The following SLC44A4 variants were observed in gnomAD, a reference collection of about 807,000 sequenced individuals.
SLC44A4 encodes the protein choline transporter-like protein 4.
In SLC44A4, 74 loss-of-function variants were observed where a neutral mutation model predicts 97.0. The ratio of observed to expected loss-of-function variants is 0.76; its 90% CI spans 0.63 to 0.93. SLC44A4 has a LOEUF of 0.93. SLC44A4 is among the 40% of genes least tolerant of loss of function. The pLI, the probability that SLC44A4 is intolerant of heterozygous loss-of-function variation, is 0.00. For synonymous variants in SLC44A4, 325 were observed against 363.8 expected (o/e 0.89, Z 1.21); for missense variants, 799 against 902.9 (o/e 0.88, Z 1.48).
At position 31,870,665 on chromosome 6, in the gene SLC44A4, C is replaced by G. The variant is rs1252588326; in HGVS notation, c.975G>C (p.Leu325=). 6.2e-7 allele frequency: 1 copy of G among 1,610,766 alleles called. No homozygotes were observed. The highest frequency in any genetic ancestry group is 1.7e-5 in the Admixed American group (1 of 59,748). Residue 325 remains leucine (L), a synonymous_variant, in exon 11 of 21, where the codon CTG becomes CTC. Transcript: ENST00000229729. The part of the protein sequence containing the change: ...VLAVLEAILL[L]MLIFLRQRIR... ...TCCGCTGCCGCAGGAAGATGAGCAT[C>G]AGCAGCAGGATGGCTTCAAGCACCG...
chr6:31,865,960 C>A lies in SLC44A4; in HGVS notation c.1400G>T (p.Gly467Val). ...GGCCCAGTAGAAGGAGGCAAAGGCT[C>A]CAGCGAGGACGCATTGGCCCAGGGC... ...VLALGQCVLA[G>V]AFASFYWAFH... is the part of the protein sequence containing the mutation. The change falls in exon 14 of 21, where the codon GGA becomes GTA. Residue 467 changes from glycine (G) to valine (V), a missense_variant. Around this residue, in one of 3 missense-constraint regions of SLC44A4, gnomAD observed 379 missense variants for 438.3 expected, o/e 0.86. Transcript: ENST00000229729. This position sits in a 1 kb window ranked among gnomAD's most constrained non-coding sequence, Gnocchi z 5.2. 6.2e-7 allele frequency: 1 copy of A among 1,614,200 alleles called. No individual in the cohort carries two copies. Among genetic ancestry groups the A allele is most frequent in the Non-Finnish European group, 8.5e-7 (1 of 1,180,022 alleles).
At chr6:31,864,202 G>A (rs1340502876) in intron 20 of SLC44A4, among the ~76,000 whole-genome samples, 2 of 152,090 alleles carry the variant, frequency 1.3e-5, no homozygotes, top group African/African-American at 4.8e-5. Flanking sequence ...AGCCTCCCAA[G>A]TGGCTGGGAT....
chr6:31,863,730 T>A lies in SLC44A4; in HGVS notation c.2030A>T (p.Asn677Ile). ...FLCFLEDLERNNGSLDRPYYM... is the reference protein window; with the variant it reads ...FLCFLEDLERINGSLDRPYYM... ...GTAGGGCCGGTCCAGGGAGCCGTTG[T>A]TCCGCTCCAGGTCTTCCACTGAGCC... The change falls in exon 21 of 21, where the codon AAC becomes ATC. Residue 677 changes from asparagine (N) to isoleucine (I), a missense_variant. Asn to Ile is a moderately radical substitution (Grantham distance 149). Transcript: ENST00000229729. 6.2e-7 allele frequency: 1 copy of A among 1,612,786 alleles called. No homozygotes were observed. The highest frequency in any genetic ancestry group is 8.5e-7 in the Non-Finnish European group (1 of 1,179,956).
chr6:31,874,851 G>T lies in SLC44A4; in HGVS notation c.343-5C>A. On this transcript the variant is annotated splice_region_variant and splice_polypyrimidine_tract_variant and intron_variant, in intron 5 of 20. Coordinates refer to ENST00000229729, the MANE Select transcript of SLC44A4 (RefSeq NM_025257.3). The surrounding 1 kb of genome is among the most constrained non-coding windows in gnomAD (Gnocchi z 4.8). ...CGGGCAGGAGGACACACACACCTGG[G>T]TGCAGAGAGAACACTAAGGGGCTGG... 6.2e-7 allele frequency: 1 copy of T among 1,612,610 alleles called. No individual in the cohort carries two copies.
At chr6:31,872,280 G>C (rs1156932036) in intron 7 of SLC44A4, among the ~76,000 whole-genome samples, 3 of 152,122 alleles carry the variant, frequency 2.0e-5, no homozygotes, top group African/African-American at 2.4e-5. Context: ...CTGTCACCCA[G>C]GCTAGAGTGC....
Position 31,865,817 on chromosome 6 carries a change from C to T in SLC44A4, c.1488-33G>A. 1 of 1,613,924 alleles carries T rather than the reference C, an allele frequency of 6.2e-7. No homozygotes were observed. The highest frequency in any genetic ancestry group is 8.5e-7 in the Non-Finnish European group (1 of 1,179,882). ...GGGTGTTATGCAGTCAGAGACAGCT[C>T]CAGGACCCCTGGGGCCCCCGTGCCT... On this transcript the variant is annotated intron_variant, in intron 14 of 20. Coordinates refer to ENST00000229729, the MANE Select transcript of SLC44A4 (RefSeq NM_025257.3). The surrounding 1 kb of genome is among the most constrained non-coding windows in gnomAD (Gnocchi z 5.2).
intron 13 of SLC44A4, among the ~76,000 whole-genome samples, chr6:31,867,444 G>A (rs956533652): frequency 6.6e-6 from 1 of 151,914 alleles, no homozygotes; most frequent in Non-Finnish European, 1.5e-5. Context: ...CAACACTCAC[G>A]TCATACCCAG....
rs769211056 is a variant in SLC44A4 at position 31,864,643 on chromosome 6, G to T, written c.2011+9C>A. 6.2e-7 allele frequency: 1 copy of T among 1,613,038 alleles called. No individual in the cohort carries two copies. The highest frequency in any genetic ancestry group is 8.5e-7 in the Non-Finnish European group (1 of 1,179,056). On this transcript the variant is annotated intron_variant, in intron 20 of 20. Transcript: ENST00000229729. ...AGGTTGGGGACAGGTGGCTGGGGGT[G>T]TCACTCACGGAAGCAGAGGAAGAGC...
chr6:31,865,472 A>G lies in SLC44A4; in HGVS notation c.1686+26T>C, dbSNP rs138442998. 103 of 1,612,768 alleles carry G rather than the reference A, an allele frequency of 6.4e-5. No homozygotes were observed. The African/African-American group carries it at 1.1e-3, about 18-fold the overall frequency. On this transcript the variant is annotated intron_variant, in intron 16 of 20. Transcript: ENST00000229729. This position sits in a 1 kb window ranked among gnomAD's most constrained non-coding sequence, Gnocchi z 5.2. Reference sequence around the variant, plus strand: ...TGTCTAGACCAAAGGGCACCAGAACAAAGGGTTGCTTGCAGTGTAGCTCAC... The same window carrying G: ...TGTCTAGACCAAAGGGCACCAGAACGAAGGGTTGCTTGCAGTGTAGCTCAC...
At chr6:31,871,232 T>C (rs2151563823) in intron 9 of SLC44A4, 82 bp downstream of exon 9, 2 of 1,414,642 alleles carry the variant, frequency 1.4e-6, no homozygotes, top group South Asian at 1.2e-5. Flanking sequence ...CCAAAGCCTG[T>C]GTTTCAGACA....
intron 7 of SLC44A4, among the ~76,000 whole-genome samples, chr6:31,873,167 T>A (rs1763267375): frequency 6.6e-6 from 1 of 151,800 alleles, no homozygotes; most frequent in Non-Finnish European, 1.5e-5. Context: ...GAGCCACTGC[T>A]CCCGGCCTAA....
rs374954632 is a variant in SLC44A4, at chr6:31,878,959, C to A, written c.22G>T (p.Glu8Ter). The A allele has an allele frequency of 4.3e-6, 7 of 1,613,902 alleles. 1 individual carries two copies. Among genetic ancestry groups the A allele is most frequent in the Non-Finnish European group, 5.9e-6 (7 of 1,179,954 alleles). The change falls in exon 1 of 21, where the codon GAG becomes TAG. Residue 8 changes from glutamate to a stop codon, truncating the protein, a stop_gained. Coordinates refer to ENST00000229729, the MANE Select transcript of SLC44A4 (RefSeq NM_025257.3). LOFTEE classifies it high-confidence loss of function. This position sits in a 1 kb window ranked among gnomAD's most constrained non-coding sequence, Gnocchi z 4.0. MGGKQRD[E>*]DDEAYGKPVK... ...GTCTCACCGTAGGCCTCGTCATCCT[C>A]GTCCCGCTGCTTTCCCCCCATGGCT... is the stretch of plus-strand genomic sequence containing the variant.
Position 31,874,681 on chromosome 6 carries a change from C to A in SLC44A4, c.468+40G>T, listed in dbSNP as rs1205447521. On this transcript the variant is annotated intron_variant, in intron 6 of 20. Coordinates refer to ENST00000229729, the MANE Select transcript of SLC44A4 (RefSeq NM_025257.3). The surrounding 1 kb of genome is among the most constrained non-coding windows in gnomAD (Gnocchi z 4.8). ...CCCTCCCTCTCGTGCCCACCCTGGC[C>A]CTTCTGGGCGACAGTGATGAGGTTA... 7.0e-6 allele frequency: 11 copies of A among 1,577,628 alleles called. No homozygotes were observed. Among genetic ancestry groups the A allele is most frequent in the Non-Finnish European group, 8.6e-6 (10 of 1,162,614 alleles).
At chr6:31,875,385 G>A (rs1371901011) in intron 4 of SLC44A4, among the ~76,000 whole-genome samples, 2 of 152,196 alleles carry the variant, frequency 1.3e-5, no homozygotes. Flanking sequence ...TGTGTGTAAA[G>A]TTTACTGCCT....
Position 31,863,743 on chromosome 6 carries a change from C to G in SLC44A4, c.2017G>C (p.Asp673His), listed in dbSNP as rs1377997383. The G allele has an allele frequency of 1.2e-6, 2 of 1,612,700 alleles. No individual in the cohort carries two copies. The highest frequency in any genetic ancestry group is 1.7e-6 in the Non-Finnish European group (2 of 1,179,914). Residue 673 changes from aspartate (D) to histidine (H), a missense_variant, in exon 21 of 21, where the codon GAC (aspartate) becomes CAC (histidine). Asp to His is a moderately conservative substitution (Grantham distance 81). Coordinates refer to ENST00000229729, the MANE Select transcript of SLC44A4 (RefSeq NM_025257.3). ...VDTLFLCFLEDLERNNGSLDR... is the reference protein window; with the variant it reads ...VDTLFLCFLEHLERNNGSLDR... ...AGGGAGCCGTTGTTCCGCTCCAGGT[C>G]TTCCACTGAGCCGCAACAGAGACCG...
In SLC44A4 at chr6:31,877,124, TG is replaced by T; in HGVS notation, c.41-43del. ...GAGGTGTGGAGGATGAGTCTCTCTC[TG>T]CATATCTTGTCCTGCTGAGTCCTCC... is the stretch of plus-strand genomic sequence containing the variant. On this transcript the variant is annotated intron_variant, in intron 1 of 20. Coordinates refer to ENST00000229729, the MANE Select transcript of SLC44A4 (RefSeq NM_025257.3). The surrounding 1 kb of genome is among the most constrained non-coding windows in gnomAD (Gnocchi z 6.5). 1 of 1,585,616 alleles carries T rather than the reference TG, an allele frequency of 6.3e-7. No individual in the cohort carries two copies. The highest frequency in any genetic ancestry group is 1.1e-5 in the South Asian group (1 of 87,646).
intron 9 of SLC44A4, 43 bp downstream of exon 9, chr6:31,871,271 G>C: frequency 4.4e-6 from 7 of 1,573,598 alleles, no homozygotes; most frequent in Non-Finnish European, 6.1e-6. Flanking sequence ...GATCAGGGAG[G>C]AAGAAGGCAA....
In SLC44A4 at chr6:31,876,060, A is replaced by C. The variant is rs1763425159; in HGVS notation, c.159T>G (p.Ile53Met). ...TCTGAGCAGCTGGAAACTCACCCACAATCCCCACCACGATGTAACCTAGAA... is the reference window on the plus strand; with the variant it reads ...TCTGAGCAGCTGGAAACTCACCCACCATCCCCACCACGATGTAACCTAGAA... ...LFILGYIVVGIVAWLYGDPRQ... is the reference protein window; with the variant it reads ...LFILGYIVVGMVAWLYGDPRQ... The change falls in exon 3 of 21, where the codon ATT (isoleucine) becomes ATG (methionine). Residue 53 changes from isoleucine (I) to methionine (M), a missense_variant. This residue lies in a region of SLC44A4 where 409 missense variants were observed against 434.1 expected (regional missense o/e 0.94). Coordinates refer to ENST00000229729, the MANE Select transcript of SLC44A4 (RefSeq NM_025257.3). The surrounding 1 kb of genome is among the most constrained non-coding windows in gnomAD (Gnocchi z 4.8). The C allele has an allele frequency of 6.2e-7, 1 of 1,613,892 alleles. No homozygotes were observed. The highest frequency in any genetic ancestry group is 8.5e-7 in the Non-Finnish European group (1 of 1,180,010).
chr6:31,874,516 A>T lies in SLC44A4; in HGVS notation c.473T>A (p.Val158Glu). The T allele has an allele frequency of 6.2e-7, 1 of 1,612,802 alleles. No homozygotes were observed. Among genetic ancestry groups the T allele is most frequent in the Non-Finnish European group, 8.5e-7 (1 of 1,179,890 alleles). ...GAGTTCCTGTTGCAGGCTTGTGATCACCGTCTGTGGCAGGAGTGAAAGGAC... is the reference window on the plus strand; with the variant it reads ...GAGTTCCTGTTGCAGGCTTGTGATCTCCGTCTGTGGCAGGAGTGAAAGGAC... ...CLPGVPWNMT[V>E]ITSLQQELCP... Residue 158 changes from valine to glutamate, a missense_variant, in exon 7 of 21, where the codon GTG becomes GAG. Val to Glu is a moderately radical substitution (Grantham distance 121, BLOSUM62 -2). Around this residue, in one of 3 missense-constraint regions of SLC44A4, gnomAD observed 409 missense variants for 434.1 expected, o/e 0.94. Coordinates refer to ENST00000229729, the MANE Select transcript of SLC44A4 (RefSeq NM_025257.3). The surrounding 1 kb of genome is among the most constrained non-coding windows in gnomAD (Gnocchi z 4.8).
Sources: allele counts gnomAD v4.1 joint callset (sites outside exome capture counted in the v4.1 genomes callset), GRCh38; gene constraint gnomAD v4.1.1; regional missense constraint gnomAD v4.1.1; non-coding constraint Gnocchi (gnomAD v3.1); transcripts MANE v1.5; gene names NCBI Gene and HGNC (gene_info 2026-07-23, HGNC 2026-07-21).